NEDD9: variants seen among roughly 807,000 people sequenced by gnomAD.
NEDD9 encodes the protein neural precursor cell expressed, developmentally down-regulated 9.
Under a neutral mutation model 76.6 loss-of-function variants are expected in NEDD9, and 26 were observed. The observed-to-expected ratio is 0.34, with a 90% CI of 0.25 to 0.47. The LOEUF (loss-of-function observed/expected upper bound fraction) is 0.47, where lower values mean the gene tolerates loss of function less well. Ranked by LOEUF, NEDD9 falls within the 20% of genes least tolerant of loss-of-function variation. The pLI, the probability that NEDD9 is intolerant of heterozygous loss-of-function variation, is 1.00. For synonymous variants in NEDD9, 392 were observed against 414.2 expected, an observed-to-expected ratio of 0.95 and a Z score of 0.65; for missense variants, 937 against 1,058.5, an observed-to-expected ratio of 0.89 and a Z score of 1.59.
At chr6:11,307,440 C>T (rs1327278232) in intron 2 of NEDD9, among the ~76,000 whole-genome samples, 3 of 152,182 alleles carry the variant, frequency 2.0e-5, no homozygotes, top group Non-Finnish European at 4.4e-5. Flanking sequence ...GTGGTTACCC[C>T]AGTGTCTTGG....
chr6:11,366,863 A>G (rs1762780720), intron 1 of NEDD9, among the ~76,000 whole-genome samples: 1 of 152,228 alleles, frequency 6.6e-6, no homozygotes, highest in Non-Finnish European at 1.5e-5. Context: ...GGGAGATACA[A>G]TAAACATGCC....
intron 2 of NEDD9, among the ~76,000 whole-genome samples, chr6:11,327,720 G>C (rs548653179): frequency 6.6e-6 from 1 of 152,238 alleles, no homozygotes; most frequent in Non-Finnish European, 1.5e-5. Flanking sequence ...CCAGCAAGAG[G>C]GCCTGTGTGA....
chr6:11,346,070 A>G (rs1270322592), intron 1 of NEDD9, among the ~76,000 whole-genome samples: 1 of 152,216 alleles, frequency 6.6e-6, no homozygotes, highest in Non-Finnish European at 1.5e-5. Flanking sequence ...ACTCTCTGAC[A>G]TGGTCTAGCG....
intron 2 of NEDD9, among the ~76,000 whole-genome samples, chr6:11,195,479 A>G (rs940021308): frequency 6.7e-6 from 1 of 149,798 alleles, no homozygotes; most frequent in African/African-American, 2.5e-5. Context: ...TTTACTCGCT[A>G]TTGTCCAGGA....
At chr6:11,189,211 C>T (rs769195942) in intron 5 of NEDD9, among the ~76,000 whole-genome samples, 4 of 152,170 alleles carry the variant, frequency 2.6e-5, no homozygotes, top group Non-Finnish European at 4.4e-5. Context: ...TCCCAAAGTG[C>T]TGGGATTACA....
In NEDD9 at chr6:11,366,408, G is replaced by GA. The variant is rs200504875; in HGVS notation, c.-214+15730dup. Among the ~76,000 whole-genome samples, 454 of 136,948 alleles carry GA rather than the reference G, an allele frequency of 3.3e-3. 3 individuals carry two copies. The highest frequency in any genetic ancestry group is 0.011 in the African/African-American group (419 of 37,646). The allele number at this position is 136,948 out of a possible 152,430, so 89.8% of individuals were successfully genotyped here. ...ACAGAGAGAGAGAGAAATAAAAGAA[G>GA]AAAGAAAAAAGAAAAAGAAAGGAAG... On this transcript the variant is annotated intron_variant, in intron 1 of 3. Coordinates refer to the NEDD9 transcript ENST00000397378.
intron 4 of NEDD9, among the ~76,000 whole-genome samples, chr6:11,191,520 G>A (rs568294526): frequency 1.2e-4 from 19 of 152,278 alleles, no homozygotes; most frequent in Non-Finnish European, 2.4e-4. Context: ...GAGAGGCAGA[G>A]TAAGACCAGA....
chr6:11,322,170 C>T (rs1761822535), intron 2 of NEDD9, among the ~76,000 whole-genome samples: 1 of 152,062 alleles, frequency 6.6e-6, no homozygotes, highest in Non-Finnish European at 1.5e-5. Context: ...ATAGCAGGGC[C>T]TGTTGGTGGG....
intron 1 of NEDD9, among the ~76,000 whole-genome samples, chr6:11,340,757 A>G (rs1762257679): frequency 6.6e-6 from 1 of 152,206 alleles, no homozygotes; most frequent in Admixed American, 6.5e-5. Flanking sequence ...CTAATTCAGC[A>G]CCCTGCTTTT....
chr6:11,335,141 A>G (rs150237738), intron 1 of NEDD9, among the ~76,000 whole-genome samples: 3 of 152,044 alleles, frequency 2.0e-5, no homozygotes, highest in Non-Finnish European at 4.4e-5. Context: ...AAAAATCACC[A>G]TTTGGTGGTG....
chr6:11,306,238 TAGC>T, intron 2 of NEDD9: 1 of 563,362 alleles, frequency 1.8e-6, no homozygotes, highest in Non-Finnish European at 3.2e-6. Flanking sequence ...GGTTGCATCA[TAGC>T]AGCTGGAAAA....
rs145560167 is a variant in NEDD9 at position 11,190,409 on chromosome 6, C to T, written c.1460G>A (p.Arg487Gln). The T allele has an allele frequency of 5.2e-4, 835 of 1,614,164 alleles. 6 individuals are homozygous for T. The Admixed American group carries it at 0.012, about 23-fold the overall frequency. ...PELILHNKMK[R>Q]ELQRVEDSHQ... ...GGAGTCTTCAACTCGTTGCAGCTCC[C>T]GCTTCATCTTGTTGTGGAGGATGAG... is the stretch of plus-strand genomic sequence containing the variant. Residue 487 changes from arginine to glutamine, a missense_variant, in exon 5 of 7, where the codon CGG becomes CAG. Arg to Gln is a conservative substitution (Grantham distance 43, BLOSUM62 1). Transcript: ENST00000379446. The surrounding 1 kb of genome is among the most constrained non-coding windows in gnomAD (Gnocchi z 5.8).
chr6:11,354,187 AAAAG>A (rs773136709), intron 1 of NEDD9, among the ~76,000 whole-genome samples: 33 of 152,338 alleles, frequency 2.2e-4, no homozygotes, highest in Admixed American at 3.9e-4. Flanking sequence ...GGCAGGAAGA[AAAAG>A]AAAGAGCTCT....
At chr6:11,278,542 T>C (rs991144799) in intron 3 of NEDD9, among the ~76,000 whole-genome samples, 14 of 152,218 alleles carry the variant, frequency 9.2e-5, no homozygotes, top group African/African-American at 2.7e-4. Flanking sequence ...AATGAGAAAG[T>C]TGCAGATTCG....
At chr6:11,352,671 T>G (rs1334224673) in intron 1 of NEDD9, 1 of 152,216 alleles carries the variant, frequency 6.6e-6, no homozygotes, top group Non-Finnish European at 1.5e-5. Context: ...TCTTTGAGCT[T>G]CTGTTTCTTC....
In NEDD9 at chr6:11,320,067, T is replaced by G. The variant is rs565909595; in HGVS notation, c.-152-13912A>C. 2.6e-5 allele frequency among the ~76,000 whole-genome samples: 4 copies of G among 152,316 alleles called. No homozygotes were observed. In the South Asian group the frequency reaches 8.3e-4, roughly 32 times the overall value. The stretch of plus-strand genomic sequence containing the variant: ...CTGTGGTCTCCCAGCTCCTGGATGC[T>G]GTCCCTCCTGGGAGCACGGCTGCAC... On this transcript the variant is annotated intron_variant, in intron 2 of 3. Transcript: ENST00000397378.
chr6:11,375,879 C>T (rs539541030), intron 1 of NEDD9, among the ~76,000 whole-genome samples: 4 of 152,258 alleles, frequency 2.6e-5, no homozygotes, highest in South Asian at 4.1e-4. Context: ...GGCTGGAGTG[C>T]AGTGGCGTGA....
chr6:11,262,549 T>C (rs999271943), intron 3 of NEDD9, among the ~76,000 whole-genome samples: 1 of 152,230 alleles, frequency 6.6e-6, no homozygotes, highest in Non-Finnish European at 1.5e-5. Context: ...TAGGAATTTA[T>C]GTGTGGTTGG....
At chr6:11,220,641 A>T (rs1313453792) in intron 1 of NEDD9, among the ~76,000 whole-genome samples, 2 of 152,204 alleles carry the variant, frequency 1.3e-5, no homozygotes, top group African/African-American at 4.8e-5. Flanking sequence ...TTGGTGGCTC[A>T]TATACCAAAG....
Sources: allele counts gnomAD v4.1 joint callset (sites outside exome capture counted in the v4.1 genomes callset), GRCh38; gene constraint gnomAD v4.1.1; non-coding constraint Gnocchi (gnomAD v3.1); transcripts MANE v1.5; gene names NCBI Gene and HGNC (gene_info 2026-07-23, HGNC 2026-07-21).